The following HMGCLL1 variants were observed in gnomAD, a reference collection of about 807,000 sequenced individuals.
HMGCLL1 encodes 3-hydroxy-3-methylglutaryl-CoA lyase like 1, also known as 3-hydroxymethyl-3-methylglutaryl-CoA lyase, cytoplasmic.
In HMGCLL1, 36 loss-of-function variants were observed where a neutral mutation model predicts 39.1. That is an observed-to-expected ratio of 0.92 (90% CI 0.71 to 1.22). The LOEUF is 1.22. Ranked by LOEUF, HMGCLL1 falls within the 50% of genes most tolerant of loss-of-function variation. The pLI is 0.00. For synonymous variants in HMGCLL1, 149 were observed against 144.0 expected (o/e 1.03, Z -0.25); for missense variants, 451 against 416.5 (o/e 1.08, Z -0.72).
chr6:55,442,519 T>C (rs1290684211), intron 7 of HMGCLL1, among the ~76,000 whole-genome samples: 1 of 152,116 alleles, frequency 6.6e-6, no homozygotes, highest in Non-Finnish European at 1.5e-5. Context: ...TTGCCTAGAG[T>C]TTCCTTTGCA....
intron 7 of HMGCLL1, among the ~76,000 whole-genome samples, chr6:55,493,543 C>T (rs1297507137): frequency 2.0e-5 from 3 of 152,106 alleles, no homozygotes; most frequent in Non-Finnish European, 4.4e-5. Context: ...ATTTCATAAA[C>T]CTTAATTTAT....
intron 1 of HMGCLL1, among the ~76,000 whole-genome samples, chr6:55,568,854 A>AACACACACAC (rs139032251): frequency 6.0e-5 from 9 of 150,642 alleles, no homozygotes; most frequent in African/African-American, 1.7e-4. Context: ...AGTAAAATGA[A>AACACACACAC]ACACACACAC....
the HMGCLL1 span, among the ~76,000 whole-genome samples, chr6:55,586,397 GT>G: frequency 7.3e-5 from 11 of 150,226 alleles, no homozygotes; most frequent in African/African-American, 2.2e-4. Context: ...ATGGAAATCA[GT>G]TTTTTTTTTA....
chr6:55,578,976 G>T lies in HMGCLL1; in HGVS notation c.80C>A (p.Ser27Ter). 6.2e-7 allele frequency: 1 copy of T among 1,613,492 alleles called. No individual in the cohort carries two copies. Among genetic ancestry groups the T allele is most frequent in the Non-Finnish European group, 8.5e-7 (1 of 1,179,758 alleles). ...LLREHLWIGD[S>*]VAGALDPAQE... is the part of the protein sequence containing the mutation. ...CGCGGGGTCGAGCGCCCCTGCCACTGAATCCCCGATCCAGAGATGCTCCCG... is the reference window on the plus strand; with the variant it reads ...CGCGGGGTCGAGCGCCCCTGCCACTTAATCCCCGATCCAGAGATGCTCCCG... The change falls in exon 1 of 9, where the codon TCA becomes TAA. Residue 27 changes from serine to a stop codon, truncating the protein, a stop_gained. Coordinates refer to ENST00000274901, the MANE Select transcript of HMGCLL1 (RefSeq NM_001042406.2). LOFTEE classifies it high-confidence loss of function.
chr6:55,543,160 T>TATAATATATA, intron 1 of HMGCLL1, among the ~76,000 whole-genome samples: 1 of 6,226 alleles, frequency 1.6e-4, no homozygotes, highest in South Asian at 8.8e-3. Flanking sequence ...ATATATATTA[T>TATAATATATA]ATATATAATA....
At chr6:55,488,577 A>T (rs75451364) in intron 7 of HMGCLL1, among the ~76,000 whole-genome samples, 18,448 of 152,034 alleles carry the variant, frequency 0.12, 1,190 homozygotes, top group South Asian at 0.19. Flanking sequence ...GTCATAATTG[A>T]TAGAAATAAT....
At chr6:55,582,045 CT>C (rs1219973639), upstream of HMGCLL1, among the ~76,000 whole-genome samples, 2 of 152,058 alleles carry the variant, frequency 1.3e-5, no homozygotes, top group East Asian at 3.9e-4. Flanking sequence ...TGCTCTTTTT[CT>C]TTTGCTAAGA....
chr6:55,540,811 GC>G (rs1370110282), intron 3 of HMGCLL1, among the ~76,000 whole-genome samples: 1 of 152,088 alleles, frequency 6.6e-6, no homozygotes, highest in Non-Finnish European at 1.5e-5. Flanking sequence ...ATCAGGGAAG[GC>G]AGCACTAGAA....
the HMGCLL1 span, among the ~76,000 whole-genome samples, chr6:55,653,870 T>C: frequency 2.0e-5 from 3 of 151,688 alleles, no homozygotes; most frequent in Non-Finnish European, 4.4e-5. Context: ...AGAGAAGACC[T>C]GTATTAACCC....
At chr6:55,603,503 C>T in the HMGCLL1 span, among the ~76,000 whole-genome samples, 1 of 152,024 alleles carries the variant, frequency 6.6e-6, no homozygotes, top group South Asian at 2.1e-4. Context: ...CTTCTGTACA[C>T]TCAACACAGG....
the HMGCLL1 span, among the ~76,000 whole-genome samples, chr6:55,678,739 C>T: frequency 6.6e-6 from 1 of 152,108 alleles, no homozygotes; most frequent in South Asian, 2.1e-4. Context: ...AGGAAAGAAA[C>T]AAGGTTGTAA....
the HMGCLL1 span, among the ~76,000 whole-genome samples, chr6:55,598,753 T>C: frequency 6.6e-6 from 1 of 152,214 alleles, no homozygotes; most frequent in Non-Finnish European, 1.5e-5. Context: ...CAGTTGGTAA[T>C]GAGTTTGCAT....
the HMGCLL1 span, among the ~76,000 whole-genome samples, chr6:55,606,580 ATATT>A: frequency 2.0e-5 from 3 of 152,138 alleles, no homozygotes; most frequent in Non-Finnish European, 4.4e-5. Context: ...ATTTATAAAA[ATATT>A]TAGGCAGATA....
At chr6:55,487,007 G>A (rs966027961) in intron 7 of HMGCLL1, among the ~76,000 whole-genome samples, 5 of 152,110 alleles carry the variant, frequency 3.3e-5, no homozygotes, top group African/African-American at 1.2e-4. Context: ...TTCTATTCAT[G>A]GAGGAAGTCC....
chr6:55,515,705 A>G (rs1767702903), intron 4 of HMGCLL1, among the ~76,000 whole-genome samples: 1 of 152,136 alleles, frequency 6.6e-6, no homozygotes, highest in South Asian at 2.1e-4. Flanking sequence ...TTACTAGATG[A>G]CACCAATATT....
chr6:55,502,972 C>G, intron 5 of HMGCLL1, among the ~76,000 whole-genome samples: 1 of 22,082 alleles, frequency 4.5e-5, no homozygotes, highest in South Asian at 4.4e-3. Flanking sequence ...ACCTTCTGTT[C>G]TGCTAAAGTT....
chr6:55,667,688 C>A, the HMGCLL1 span, among the ~76,000 whole-genome samples: 3 of 151,846 alleles, frequency 2.0e-5, no homozygotes, highest in East Asian at 5.8e-4. Context: ...AAATTCTAAG[C>A]ACAACTGGAG....
intron 7 of HMGCLL1, among the ~76,000 whole-genome samples, chr6:55,466,566 C>T (rs1764807729): frequency 6.6e-6 from 1 of 152,064 alleles, no homozygotes; most frequent in Non-Finnish European, 1.5e-5. Flanking sequence ...GTCACCTAGT[C>T]ACTCATGCAA....
At chr6:55,454,202 G>T (rs4470841) in intron 7 of HMGCLL1, among the ~76,000 whole-genome samples, 44,922 of 151,964 alleles carry the variant, frequency 0.3, 6,732 homozygotes, top group East Asian at 0.38. Context: ...TTAAAAGATA[G>T]GACACAGTGA....
Sources: allele counts gnomAD v4.1 joint callset (sites outside exome capture counted in the v4.1 genomes callset), GRCh38; gene constraint gnomAD v4.1.1; transcripts MANE v1.5; gene names NCBI Gene and HGNC (gene_info 2026-07-23, HGNC 2026-07-21).